CD2AP: variants seen among roughly 807,000 people sequenced by gnomAD.
CD2AP encodes the protein CD2-associated protein.
CD2AP carries 46 observed loss-of-function variants against 85.1 expected under a neutral mutation model. The ratio of observed to expected loss-of-function variants is 0.54; its 90% confidence interval spans 0.43 to 0.69. The LOEUF is 0.69. Ranked by LOEUF, CD2AP falls within the 30% of genes least tolerant of loss-of-function variation. The pLI, the probability that CD2AP is intolerant of heterozygous loss-of-function variation, is 0.00. For missense variants in CD2AP, 769 were observed against 729.5 expected, an observed-to-expected ratio of 1.05 and a Z score of -0.62; for synonymous variants, 255 against 252.9, an observed-to-expected ratio of 1.01 and a Z score of -0.08.
chr6:47,610,949 T>TTATATATATATATTTA (rs1769412562), intron 16 of CD2AP, among the ~76,000 whole-genome samples: 1 of 114,244 alleles, frequency 8.8e-6, no homozygotes, highest in African/African-American at 3.7e-5. Flanking sequence ...TATTTCTGAT[T>TTATATATATATATTTA]TATATATATA....
At chr6:47,609,383 A>T (rs1769364602) in intron 16 of CD2AP, 79 bp downstream of exon 16, 1 of 1,185,464 alleles carries the variant, frequency 8.4e-7, no homozygotes. Context: ...ATTAAGTAAA[A>T]ATCTAATCTG....
chr6:47,503,509 A>G (rs1766052312), intron 2 of CD2AP, 69 bp downstream of exon 2: 2 of 1,307,100 alleles, frequency 1.5e-6, no homozygotes, highest in South Asian at 1.2e-5. Flanking sequence ...TAAGAAATAG[A>G]TATACTTTTA....
chr6:47,507,560 G>A (rs1258473730), intron 2 of CD2AP, among the ~76,000 whole-genome samples: 3 of 152,048 alleles, frequency 2.0e-5, no homozygotes, highest in Non-Finnish European at 4.4e-5. Flanking sequence ...TAGTTCAAGC[G>A]ATTCTCCTTG....
intron 2 of CD2AP, among the ~76,000 whole-genome samples, chr6:47,513,038 T>C (rs1766360564): frequency 6.6e-6 from 1 of 152,094 alleles, no homozygotes; most frequent in Non-Finnish European, 1.5e-5. Flanking sequence ...AATGAGAAAG[T>C]GTGTTAGTTT....
chr6:47,572,945 G>T (rs1768195461), intron 5 of CD2AP, among the ~76,000 whole-genome samples: 1 of 152,132 alleles, frequency 6.6e-6, no homozygotes, highest in Admixed American at 6.5e-5. Flanking sequence ...CCTTAGTTCA[G>T]TGAACTGTTA....
intron 4 of CD2AP, among the ~76,000 whole-genome samples, chr6:47,547,908 A>T (rs1258021319): frequency 6.6e-6 from 1 of 152,178 alleles, no homozygotes; most frequent in Non-Finnish European, 1.5e-5. Context: ...AAATTAAATA[A>T]CTTACTCCTG....
intron 2 of CD2AP, among the ~76,000 whole-genome samples, chr6:47,507,036 T>C (rs1418928578): frequency 1.3e-5 from 2 of 152,194 alleles, no homozygotes; most frequent in Non-Finnish European, 2.9e-5. Flanking sequence ...GTTTATGTAA[T>C]ATTTTGAATC....
chr6:47,572,110 T>C (rs1199313896), intron 5 of CD2AP, among the ~76,000 whole-genome samples: 1 of 152,214 alleles, frequency 6.6e-6, no homozygotes, highest in African/African-American at 2.4e-5. Flanking sequence ...TCTTCAGTTA[T>C]TGCCTCATGT....
intron 16 of CD2AP, chr6:47,609,511 TGC>T (rs1769368611): frequency 1.7e-5 from 2 of 117,258 alleles, no homozygotes; most frequent in Non-Finnish European, 3.1e-5. Flanking sequence ...ACCCCATCTT[TGC>T]AAAAAAAAAA....
chr6:47,491,879 C>T (rs867042677), intron 1 of CD2AP, among the ~76,000 whole-genome samples: 5 of 152,052 alleles, frequency 3.3e-5, no homozygotes, highest in African/African-American at 9.7e-5. Context: ...CCAGCACCCC[C>T]AAACAGAACC....
At chr6:47,513,899 G>T (rs1026184919) in intron 2 of CD2AP, among the ~76,000 whole-genome samples, 1 of 147,206 alleles carries the variant, frequency 6.8e-6, no homozygotes, top group Non-Finnish European at 1.5e-5. Context: ...TTTTGGGGGG[G>T]GGGCTAGCCT....
intron 17 of CD2AP, among the ~76,000 whole-genome samples, chr6:47,615,263 A>G (rs1186001722): frequency 1.3e-5 from 2 of 152,232 alleles, no homozygotes; most frequent in African/African-American, 4.8e-5. Flanking sequence ...TTAGACACAC[A>G]TAACAACATG....
intron 14 of CD2AP, among the ~76,000 whole-genome samples, chr6:47,607,045 T>C (rs1769295732): frequency 1.3e-5 from 2 of 152,048 alleles, no homozygotes; most frequent in South Asian, 4.1e-4. Context: ...ATTTTTATAG[T>C]GAGAATATGC....
intron 16 of CD2AP, among the ~76,000 whole-genome samples, chr6:47,611,953 C>T (rs186731808): frequency 6.4e-4 from 98 of 152,022 alleles, no homozygotes; most frequent in Non-Finnish European, 1.3e-3. Context: ...GAAGGGAACA[C>T]GGGAAGGTGA....
intron 8 of CD2AP, 48 bp from the exon 9 acceptor site, chr6:47,579,334 TAAA>T: frequency 2.5e-6 from 2 of 802,492 alleles, no homozygotes; most frequent in Non-Finnish European, 2.0e-6. Flanking sequence ...CACTTTATCT[TAAA>T]AAAAAAAAAA....
chr6:47,483,399 T>C (rs1765492087), intron 1 of CD2AP, among the ~76,000 whole-genome samples: 1 of 152,082 alleles, frequency 6.6e-6, no homozygotes, highest in African/African-American at 2.4e-5. Flanking sequence ...TAGGTAGAGA[T>C]TCAGACTGGC....
chr6:47,544,864 A>G (rs891065563), intron 4 of CD2AP, 158 bp downstream of exon 4: 3 of 579,336 alleles, frequency 5.2e-6, no homozygotes, highest in South Asian at 2.3e-5. Flanking sequence ...CTGTATTTAT[A>G]TATGTATTTG....
chr6:47,521,220 C>G (rs1766582231), intron 2 of CD2AP, among the ~76,000 whole-genome samples: 1 of 152,004 alleles, frequency 6.6e-6, no homozygotes, highest in Non-Finnish European at 1.5e-5. Context: ...TTTACTCAGT[C>G]TAAATACTCA....
At chr6:47,609,963 A>G (rs1769386362) in intron 16 of CD2AP, among the ~76,000 whole-genome samples, 1 of 152,176 alleles carries the variant, frequency 6.6e-6, no homozygotes, top group South Asian at 2.1e-4. Flanking sequence ...GGATTTGATC[A>G]CTGTTTCTGT....
Sources: allele counts gnomAD v4.1 joint callset (sites outside exome capture counted in the v4.1 genomes callset), GRCh38; gene constraint gnomAD v4.1.1; transcripts MANE v1.5; gene names NCBI Gene and HGNC (gene_info 2026-07-23, HGNC 2026-07-21).